Variants in DIAPH2 observed in about 807,000 individuals in gnomAD.
DIAPH2 encodes the protein protein diaphanous homolog 2.
Under a neutral mutation model 92.7 loss-of-function variants are expected in DIAPH2, and 35 were observed. The observed-to-expected ratio is 0.38, with a 90% confidence interval of 0.29 to 0.50. The LOEUF (loss-of-function observed/expected upper bound fraction) is 0.50. DIAPH2 is among the 20% of genes least tolerant of loss of function. The probability of loss-of-function intolerance (pLI) is 0.94; values close to 1 mark genes in which losing one functional copy is unlikely to be tolerated. For missense variants in DIAPH2, 701 were observed against 819.5 expected (o/e 0.86, Z 1.77); for synonymous variants, 301 against 280.4 (o/e 1.07, Z -0.73).
In DIAPH2 at chrX:97,114,748, A is replaced by T; in HGVS notation, c.2372A>T (p.Gln791Leu). 1 of 1,207,802 alleles carries T rather than the reference A, an allele frequency of 8.3e-7. No homozygotes were observed. Among genetic ancestry groups the T allele is most frequent in the South Asian group, 1.8e-5 (1 of 55,950 alleles). The change falls in exon 21 of 27, where the codon CAG (glutamine) becomes CTG (leucine). Residue 791 changes from glutamine (Q) to leucine (L), a missense_variant. By Grantham distance (113) the Gln-to-Leu change is moderately radical. Coordinates refer to ENST00000324765, the MANE Select transcript of DIAPH2 (RefSeq NM_006729.5). Reference protein sequence around the residue: ...GVVMSSVKMLQPRLSSILFKL... With the variant: ...GVVMSSVKMLLPRLSSILFKL... Reference sequence around the variant, plus strand: ...CAGATGAGCTCTGTGAAAATGTTACAGCCTCGTCTCAGTAGTATCCTGTTC... The same window carrying T: ...CAGATGAGCTCTGTGAAAATGTTACTGCCTCGTCTCAGTAGTATCCTGTTC...
intron 4 of DIAPH2, among the ~76,000 whole-genome samples, chrX:96,830,659 A>G (rs925362123): frequency 9.1e-6 from 1 of 109,369 alleles, no homozygotes; most frequent in Non-Finnish European, 1.9e-5. Context: ...GTTCATAGCT[A>G]CAGAAATACA....
At chrX:97,461,979 G>A (rs757708986) in intron 26 of DIAPH2, among the ~76,000 whole-genome samples, 1 of 111,184 alleles carries the variant, frequency 9.0e-6, no homozygotes, top group South Asian at 3.8e-4. Flanking sequence ...TAAGAAAAAA[G>A]CTCCAGGCTT....
At chrX:97,580,373 C>T (rs1444810699) in intron 26 of DIAPH2, among the ~76,000 whole-genome samples, 10 of 102,173 alleles carry the variant, frequency 9.8e-5, no homozygotes, top group African/African-American at 3.6e-4. Flanking sequence ...GAGTTTTTAG[C>T]ATGAAAGGTT....
chrX:96,704,034 TC>T (rs1182183248), intron 1 of DIAPH2, among the ~76,000 whole-genome samples: 1 of 111,045 alleles, frequency 9.0e-6, no homozygotes, highest in Non-Finnish European at 1.9e-5. Flanking sequence ...GCTCAAGGGA[TC>T]CCCCCACCTT....
At chrX:97,514,888 T>C (rs1167132757) in intron 26 of DIAPH2, among the ~76,000 whole-genome samples, 1 of 111,388 alleles carries the variant, frequency 9.0e-6, no homozygotes, top group Non-Finnish European at 1.9e-5. Context: ...CAGCTGCATG[T>C]TGGGAGAACC....
intron 17 of DIAPH2, among the ~76,000 whole-genome samples, chrX:97,032,928 A>T (rs2066386419): frequency 1.8e-5 from 2 of 111,331 alleles, no homozygotes; most frequent in Non-Finnish European, 3.8e-5. Context: ...TGTTTACTTC[A>T]CACAACCATT....
Position 96,958,116 on chromosome X carries a change from G to C in DIAPH2, c.1903G>C (p.Glu635Gln), listed in dbSNP as rs2065824214. ...GMKQKKMYKP[E>Q]VSMKRINWSK... is the part of the protein sequence containing the mutation. ...GAAGCAGAAAAAAATGTATAAACCT[G>C]AAGTGTCCATGAAGAGAATCAATTG... Residue 635 changes from glutamate (E) to glutamine (Q), a missense_variant, in exon 16 of 27, where the codon GAA (glutamate) becomes CAA (glutamine). Physicochemically the swap from Glu to Gln is conservative, Grantham distance 29 (BLOSUM62 2). Around this residue, in one of 3 missense-constraint regions of DIAPH2, gnomAD observed 536 missense variants for 599.3 expected, o/e 0.89. Transcript: ENST00000324765. 8.3e-7 allele frequency: 1 copy of C among 1,209,508 alleles called. No individual in the cohort carries two copies. The highest frequency in any genetic ancestry group is 1.1e-6 in the Non-Finnish European group (1 of 894,546).
chrX:97,541,775 T>C (rs761975082), intron 26 of DIAPH2, among the ~76,000 whole-genome samples: 7 of 112,374 alleles, frequency 6.2e-5, no homozygotes, highest in Non-Finnish European at 1.3e-4. Context: ...CACTGATTAC[T>C]TTCTAGAATC....
chrX:97,083,480 C>T (rs982364003), intron 19 of DIAPH2, among the ~76,000 whole-genome samples: 10 of 111,586 alleles, frequency 9.0e-5, no homozygotes, highest in Admixed American at 1.9e-4. Flanking sequence ...TTTGGCACTA[C>T]TGATGTTTTG....
chrX:96,813,798 G>A (rs950635878), intron 4 of DIAPH2, among the ~76,000 whole-genome samples: 5 of 111,720 alleles, frequency 4.5e-5, no homozygotes, highest in Admixed American at 9.5e-5. Flanking sequence ...AGTTCGGCTG[G>A]ATATGAAATT....
chrX:97,430,604 A>G (rs1441572050), intron 26 of DIAPH2, among the ~76,000 whole-genome samples: 1 of 112,658 alleles, frequency 8.9e-6, no homozygotes, highest in African/African-American at 3.2e-5. Flanking sequence ...GTCAATATGT[A>G]AACTCTACTT....
chrX:97,489,639 C>T (rs2070711984), intron 26 of DIAPH2, among the ~76,000 whole-genome samples: 1 of 110,599 alleles, frequency 9.0e-6, no homozygotes, highest in Non-Finnish European at 1.9e-5. Context: ...TAGTGTTTAT[C>T]ATGGAAAGGT....
intron 23 of DIAPH2, among the ~76,000 whole-genome samples, chrX:97,320,442 G>T (rs747003532): frequency 9.0e-6 from 1 of 110,506 alleles, no homozygotes; most frequent in Non-Finnish European, 1.9e-5. Flanking sequence ...GGCCAGGCGC[G>T]GTAGCTCTTG....
At chrX:97,041,592 C>CT (rs2066448836) in intron 17 of DIAPH2, among the ~76,000 whole-genome samples, 1 of 111,584 alleles carries the variant, frequency 9.0e-6, no homozygotes. Context: ...GAAATTTTGA[C>CT]TTAATGAATT....
intron 19 of DIAPH2, among the ~76,000 whole-genome samples, chrX:97,098,392 C>T (rs2066883313): frequency 8.9e-6 from 1 of 111,781 alleles, no homozygotes; most frequent in African/African-American, 3.3e-5. Context: ...AACCTCAATT[C>T]TACTTTTTGT....
chrX:97,568,513 C>T (rs2071343639), intron 26 of DIAPH2, among the ~76,000 whole-genome samples: 1 of 111,585 alleles, frequency 9.0e-6, no homozygotes, highest in Non-Finnish European at 1.9e-5. Flanking sequence ...ATTGGGATGA[C>T]CACAATACTA....
chrX:97,189,714 A>G (rs2067637326), intron 22 of DIAPH2, among the ~76,000 whole-genome samples: 1 of 112,441 alleles, frequency 8.9e-6, no homozygotes, highest in Non-Finnish European at 1.9e-5. Context: ...CTAGCCAAAA[A>G]GAAAAAGAAA....
chrX:96,837,433 C>CTGTGTG (rs1168572857), intron 4 of DIAPH2, among the ~76,000 whole-genome samples: 160 of 41,328 alleles, frequency 3.9e-3, no homozygotes, highest in Admixed American at 7.9e-3. Context: ...CTCTCTCTCT[C>CTGTGTG]TGTGTGTGTG....
chrX:96,758,043 A>G (rs868464856), intron 3 of DIAPH2, 111 bp from the exon 4 acceptor site: 1 of 643,192 alleles, frequency 1.6e-6, no homozygotes, highest in Middle Eastern at 3.6e-4. Context: ...GACATTAGTC[A>G]CCACATGAAT....
Sources: gnomAD v4.1 joint callset for allele counts (sites outside exome capture counted in the v4.1 genomes callset) on GRCh38, gnomAD v4.1.1 for gene constraint, gnomAD v4.1.1 regional missense constraint, MANE v1.5 for transcripts, NCBI Gene and HGNC (gene_info 2026-07-23, HGNC 2026-07-21) for gene names.